The following TENM3 variants were observed in gnomAD, a reference collection of about 807,000 sequenced individuals.
TENM3 encodes teneurin-3.
In TENM3, 63 loss-of-function variants were observed where a neutral mutation model predicts 255.1. That is an observed-to-expected ratio of 0.25 (90% CI 0.20 to 0.30). The LOEUF (loss-of-function observed/expected upper bound fraction) is 0.30. Among genes scored for constraint, TENM3 ranks in the 10% least tolerant of loss-of-function variants. The probability of loss-of-function intolerance (pLI) is 1.00; values close to 1 mark genes in which losing one functional copy is unlikely to be tolerated. For missense variants in TENM3, 2,929 were observed against 3,461.1 expected, an observed-to-expected ratio of 0.85 and a Z score of 3.86; for synonymous variants, 1,306 against 1,322.3, an observed-to-expected ratio of 0.99 and a Z score of 0.27.
intron 12 of TENM3, among the ~76,000 whole-genome samples, chr4:182,705,197 C>T (rs941154819): frequency 6.6e-6 from 1 of 152,148 alleles, no homozygotes; most frequent in African/African-American, 2.4e-5. Context: ...TTTCTGTCAT[C>T]CTGCAGGAAT....
chr4:182,750,197 A>G (rs926915858), intron 19 of TENM3, among the ~76,000 whole-genome samples: 2 of 152,148 alleles, frequency 1.3e-5, no homozygotes, highest in Admixed American at 1.3e-4. Flanking sequence ...TTTCTTGCAC[A>G]ATGACTTGCA....
At chr4:181,517,764 G>T in the TENM3 span, among the ~76,000 whole-genome samples, 1 of 152,086 alleles carries the variant, frequency 6.6e-6, no homozygotes, top group Admixed American at 6.5e-5. Flanking sequence ...TCCCACATGC[G>T]GCTTTGCAAG....
In TENM3 at chr4:182,653,814, A is replaced by G. The variant is rs755698226; in HGVS notation, c.1032A>G (p.Glu344=). The change falls in exon 6 of 28, where the codon GAA becomes GAG. Residue 344 remains glutamate (E), a synonymous_variant. Transcript: ENST00000511685. ...FGLNWQLQQT[E]NDTFENGKVN... ...TCAACTGGCAGCTACAGCAGACTGA[A>G]AATGACACATTTGAGAATGGAAAAG... 1.2e-6 allele frequency: 2 copies of G among 1,613,074 alleles called. No homozygotes were observed. The highest frequency in any genetic ancestry group is 2.7e-5 in the African/African-American group (2 of 75,010).
chr4:181,492,871 CAAGAT>C, the TENM3 span, among the ~76,000 whole-genome samples: 1 of 152,068 alleles, frequency 6.6e-6, no homozygotes, highest in African/African-American at 2.4e-5. Context: ...GGTCATATAT[CAAGAT>C]AACCTCTTTT....
the TENM3 span, among the ~76,000 whole-genome samples, chr4:181,737,614 T>C: frequency 1.3e-5 from 2 of 152,148 alleles, no homozygotes; most frequent in African/African-American, 2.4e-5. Flanking sequence ...GCATTCAGTG[T>C]CTGTTAATTT....
intron 1 of TENM3, among the ~76,000 whole-genome samples, chr4:182,147,516 A>G (rs1750051448): frequency 6.6e-6 from 1 of 152,146 alleles, no homozygotes; most frequent in African/African-American, 2.4e-5. Context: ...ATATCATCCA[A>G]GTTTTATATT....
At chr4:182,126,671 G>C in the TENM3 span, among the ~76,000 whole-genome samples, 19 of 152,240 alleles carry the variant, frequency 1.2e-4, no homozygotes, top group East Asian at 1.9e-3. Flanking sequence ...ATAAAATGGT[G>C]GTCCTTTTCT....
At chr4:182,241,536 G>C (rs866482239), upstream of TENM3, among the ~76,000 whole-genome samples, 1 of 15,956 alleles carries the variant, frequency 6.3e-5, no homozygotes, top group Non-Finnish European at 1.2e-4. Flanking sequence ...TTTTTTTTTT[G>C]TGAGGCGGAG....
intron 2 of TENM3, among the ~76,000 whole-genome samples, chr4:182,335,433 T>C: frequency 7.9e-6 from 1 of 126,064 alleles, no homozygotes; most frequent in Non-Finnish European, 1.6e-5. Context: ...AGGCGGAGCT[T>C]GCAGTGAGCC....
At chr4:181,843,625 G>A in the TENM3 span, among the ~76,000 whole-genome samples, 7 of 152,084 alleles carry the variant, frequency 4.6e-5, no homozygotes, top group South Asian at 1.3e-3. Flanking sequence ...ACCGGAGACT[G>A]GGTAGTTTAT....
chr4:181,636,204 T>C, the TENM3 span, among the ~76,000 whole-genome samples: 2 of 151,930 alleles, frequency 1.3e-5, no homozygotes, highest in Admixed American at 6.6e-5. Context: ...TGCCACCACA[T>C]CCGGCTAATT....
the TENM3 span, among the ~76,000 whole-genome samples, chr4:181,541,335 G>T: frequency 6.6e-6 from 1 of 152,064 alleles, no homozygotes; most frequent in Non-Finnish European, 1.5e-5. Context: ...AGTGAGCCAT[G>T]ATCACTCCCA....
the TENM3 span, among the ~76,000 whole-genome samples, chr4:181,552,069 T>C: frequency 6.6e-6 from 1 of 152,008 alleles, no homozygotes; most frequent in Non-Finnish European, 1.5e-5. Context: ...TGTGTGTGAA[T>C]GTGTTTAAAT....
chr4:182,398,971 T>A (rs1769043662), intron 3 of TENM3, among the ~76,000 whole-genome samples: 1 of 152,224 alleles, frequency 6.6e-6, no homozygotes, highest in South Asian at 2.1e-4. Flanking sequence ...AGCAAGTGTC[T>A]GTTGATTGCC....
the TENM3 span, among the ~76,000 whole-genome samples, chr4:181,641,729 A>C: frequency 1.1e-5 from 1 of 89,520 alleles, no homozygotes; most frequent in African/African-American, 4.1e-5. Context: ...ATGTATAATA[A>C]ATTATATATA....
the TENM3 span, among the ~76,000 whole-genome samples, chr4:182,088,642 G>A: frequency 6.8e-4 from 103 of 152,136 alleles, no homozygotes; most frequent in African/African-American, 2.4e-3. Context: ...AGATCATCCC[G>A]GCTACCATGG....
At chr4:182,494,993 T>A (rs1451199839) in intron 3 of TENM3, among the ~76,000 whole-genome samples, 1 of 152,180 alleles carries the variant, frequency 6.6e-6, no homozygotes, top group Non-Finnish European at 1.5e-5. Flanking sequence ...GCAGCATCTT[T>A]GGAGATGTTG....
At chr4:182,576,734 C>G (rs1744957046) in intron 3 of TENM3, among the ~76,000 whole-genome samples, 1 of 152,158 alleles carries the variant, frequency 6.6e-6, no homozygotes, top group African/African-American at 2.4e-5. Flanking sequence ...CTATAAATCT[C>G]TACTAACTCT....
chr4:181,537,875 A>G, the TENM3 span, among the ~76,000 whole-genome samples: 1 of 152,224 alleles, frequency 6.6e-6, no homozygotes, highest in Admixed American at 6.5e-5. Context: ...ACAGTAACAC[A>G]TTCATAACTG....
Sources: allele counts gnomAD v4.1 joint callset (sites outside exome capture counted in the v4.1 genomes callset), GRCh38; gene constraint gnomAD v4.1.1; transcripts MANE v1.5; gene names NCBI Gene and HGNC (gene_info 2026-07-23, HGNC 2026-07-21).